CACNA2D3: variants seen among roughly 807,000 people sequenced by gnomAD.
CACNA2D3 encodes the protein voltage-dependent calcium channel subunit alpha-2/delta-3.
A neutral mutation model predicts 160.6 loss-of-function variants in CACNA2D3; 60 were observed. The observed-to-expected ratio is 0.37, with a 90% CI of 0.30 to 0.46. The LOEUF (loss-of-function observed/expected upper bound fraction) is 0.46, where lower values mean the gene tolerates loss of function less well. CACNA2D3 is among the 20% of genes least tolerant of loss of function. The pLI, the probability that CACNA2D3 is intolerant of heterozygous loss-of-function variation, is 1.00. For synonymous variants in CACNA2D3, 558 were observed against 492.9 expected (o/e 1.13, Z -1.75); for missense variants, 1,205 against 1,365.0 (o/e 0.88, Z 1.85).
intron 4 of CACNA2D3, among the ~76,000 whole-genome samples, chr3:54,446,450 C>G (rs1035811804): frequency 2.6e-5 from 4 of 152,140 alleles, no homozygotes; most frequent in Non-Finnish European, 5.9e-5. Context: ...TGTCTGGGCC[C>G]ACAGATAAAG....
At chr3:55,063,136 G>T (rs1276246393) in intron 35 of CACNA2D3, among the ~76,000 whole-genome samples, 5 of 152,162 alleles carry the variant, frequency 3.3e-5, no homozygotes, top group African/African-American at 1.2e-4. Flanking sequence ...CTGAATTGGG[G>T]TTCTCCAAAG....
At chr3:54,820,806 T>A (rs1326240235) in intron 14 of CACNA2D3, among the ~76,000 whole-genome samples, 1 of 152,154 alleles carries the variant, frequency 6.6e-6, no homozygotes, top group Non-Finnish European at 1.5e-5. Flanking sequence ...TTTATGATAA[T>A]AACATAGCAG....
At chr3:54,754,739 TA>T (rs1466971246) in intron 12 of CACNA2D3, among the ~76,000 whole-genome samples, 10 of 152,200 alleles carry the variant, frequency 6.6e-5, no homozygotes, top group African/African-American at 2.4e-4. Context: ...CCATCCTTCA[TA>T]AAAGTTCCAG....
At chr3:54,473,717 G>A (rs1025021231) in intron 4 of CACNA2D3, among the ~76,000 whole-genome samples, 1 of 152,154 alleles carries the variant, frequency 6.6e-6, no homozygotes, top group Admixed American at 6.5e-5. Flanking sequence ...TTAAAAAGTG[G>A]ATGAAGGAAA....
intron 11 of CACNA2D3, among the ~76,000 whole-genome samples, chr3:54,660,382 G>A (rs1464457149): frequency 6.6e-6 from 1 of 152,002 alleles, no homozygotes; most frequent in Non-Finnish European, 1.5e-5. Context: ...GGGTGGTCTC[G>A]ATCTCCTGAC....
In CACNA2D3 at chr3:54,320,552, C is replaced by T. The variant is rs773794640; in HGVS notation, c.315C>T (p.Ala105=). The T allele has an allele frequency of 3.5e-5, 54 of 1,549,452 alleles. No homozygotes were observed. Among genetic ancestry groups the T allele is most frequent in the Non-Finnish European group, 4.5e-5 (51 of 1,144,316 alleles). ...MEEMFHKKSE[A]VRRLVEAAEE... ...AGATGTTTCACAAGAAGTCTGAGGC[C>T]GTCAGGGTAAGTGCCTATGTTTTGT... is the stretch of plus-strand genomic sequence containing the variant. The change falls in exon 3 of 38, where the codon GCC becomes GCT. Residue 105 remains alanine, a synonymous_variant. Coordinates refer to ENST00000474759, the MANE Select transcript of CACNA2D3 (RefSeq NM_018398.3).
intron 34 of CACNA2D3, 144 bp downstream of exon 34, chr3:55,009,587 C>T (rs956455584): frequency 2.8e-6 from 2 of 713,996 alleles, no homozygotes; most frequent in Admixed American, 2.1e-5. Flanking sequence ...AAAAAGCCAG[C>T]CTTTGTGCTA....
chr3:54,901,436 A>G (rs1278901369), intron 27 of CACNA2D3, among the ~76,000 whole-genome samples: 1 of 152,192 alleles, frequency 6.6e-6, no homozygotes, highest in Non-Finnish European at 1.5e-5. Flanking sequence ...TTGGCTGAGT[A>G]TAGGTGAAAC....
In CACNA2D3 at chr3:55,015,526, G is replaced by A. The variant is rs142220993; in HGVS notation, c.2876-2680G>A. Among the ~76,000 whole-genome samples, 67 of 152,170 alleles carry A rather than the reference G, an allele frequency of 4.4e-4. No individual in the cohort carries two copies. In the East Asian group the frequency reaches 0.013, roughly 28 times the overall value. On this transcript the variant is annotated intron_variant, in intron 34 of 37. Coordinates refer to ENST00000474759, the MANE Select transcript of CACNA2D3 (RefSeq NM_018398.3). ...TATATTCCATCTGCATGCTTGTGCCGCATCCACTTATAACCTAAGCTATTG... is the reference window on the plus strand; with the variant it reads ...TATATTCCATCTGCATGCTTGTGCCACATCCACTTATAACCTAAGCTATTG...
intron 12 of CACNA2D3, among the ~76,000 whole-genome samples, chr3:54,763,019 C>T (rs1334371001): frequency 2.7e-5 from 4 of 146,764 alleles, no homozygotes; most frequent in Non-Finnish European, 5.9e-5. Context: ...ACCCGGGAGG[C>T]GGAGCTTGCA....
chr3:54,361,712 G>A (rs1182201293), intron 3 of CACNA2D3, among the ~76,000 whole-genome samples: 1 of 152,216 alleles, frequency 6.6e-6, no homozygotes, highest in Admixed American at 6.5e-5. Flanking sequence ...GGTGGGGTCT[G>A]AGCCTCAGGT....
intron 2 of CACNA2D3, among the ~76,000 whole-genome samples, chr3:54,256,329 A>G (rs1702292845): frequency 6.6e-6 from 1 of 152,200 alleles, no homozygotes; most frequent in Admixed American, 6.5e-5. Flanking sequence ...GCATATGGGA[A>G]TTATTTCTAT....
At chr3:54,246,266 G>T (rs966120332) in intron 2 of CACNA2D3, among the ~76,000 whole-genome samples, 5 of 152,180 alleles carry the variant, frequency 3.3e-5, no homozygotes, top group Non-Finnish European at 5.9e-5. Context: ...GAGGATCTTA[G>T]ATAGGTTCCT....
chr3:54,658,315 C>A (rs1031907534), intron 11 of CACNA2D3, among the ~76,000 whole-genome samples: 1 of 152,152 alleles, frequency 6.6e-6, no homozygotes, highest in Non-Finnish European at 1.5e-5. Context: ...CACAAGTGTT[C>A]TTCCTTTTTC....
chr3:54,449,925 T>C (rs1700279075), intron 4 of CACNA2D3, among the ~76,000 whole-genome samples: 1 of 152,198 alleles, frequency 6.6e-6, no homozygotes, highest in Non-Finnish European at 1.5e-5. Flanking sequence ...TAAATATATG[T>C]CCACAATCTC....
chr3:54,912,855 C>T (rs76555760), intron 27 of CACNA2D3, among the ~76,000 whole-genome samples: 1,674 of 152,156 alleles, frequency 0.011, 32 homozygotes, highest in African/African-American at 0.038. Context: ...ACATTGTAGA[C>T]GGTCTTCATC....
chr3:54,569,822 GA>G lies in CACNA2D3; in HGVS notation c.705del (p.Val236SerfsTer25). On this transcript the variant is annotated frameshift_variant, in exon 7 of 38. Coordinates refer to ENST00000474759, the MANE Select transcript of CACNA2D3 (RefSeq NM_018398.3). LOFTEE classifies it high-confidence loss of function. ...PGIKWEPDEN[G>X]VIAFDCRNRK... Reference sequence around the variant, plus strand: ...ATTAAATGGGAACCAGATGAGAATGGAGTCATTGCCTTCGACTGCAGGAACC... The same window carrying G: ...ATTAAATGGGAACCAGATGAGAATGGGTCATTGCCTTCGACTGCAGGAACC... The G allele has an allele frequency of 6.2e-7, 1 of 1,605,794 alleles. No homozygotes were observed. Among genetic ancestry groups the G allele is most frequent in the African/African-American group, 1.3e-5 (1 of 74,966 alleles).
chr3:54,979,568 C>T (rs1359652862), intron 29 of CACNA2D3, among the ~76,000 whole-genome samples: 1 of 152,024 alleles, frequency 6.6e-6, no homozygotes, highest in Non-Finnish European at 1.5e-5. Context: ...ATTTTCTTGG[C>T]CCTGGAAAAC....
intron 6 of CACNA2D3, 56 bp downstream of exon 6, chr3:54,562,987 G>T: frequency 2.6e-6 from 4 of 1,529,436 alleles, no homozygotes; most frequent in Middle Eastern, 1.7e-4. Context: ...TGATAATGTG[G>T]TATTTTTCTT....
Sources: allele counts gnomAD v4.1 joint callset (sites outside exome capture counted in the v4.1 genomes callset), GRCh38; gene constraint gnomAD v4.1.1; transcripts MANE v1.5; gene names NCBI Gene and HGNC (gene_info 2026-07-23, HGNC 2026-07-21).